Variants in CNTNAP5 observed in about 807,000 individuals in gnomAD.
CNTNAP5 encodes contactin-associated protein-like 5.
A neutral mutation model predicts 150.2 loss-of-function variants in CNTNAP5; 72 were observed. That is an observed-to-expected ratio of 0.48 (90% CI 0.40 to 0.58). The LOEUF is 0.58. Among genes scored for constraint, CNTNAP5 ranks in the 20% least tolerant of loss-of-function variants. CNTNAP5 has a pLI of 0.00. For missense variants in CNTNAP5, 1,636 were observed against 1,626.2 expected, an observed-to-expected ratio of 1.01 and a Z score of -0.10; for synonymous variants, 672 against 619.8, an observed-to-expected ratio of 1.08 and a Z score of -1.25.
At chr2:124,739,132 C>T (rs986420450) in intron 13 of CNTNAP5, among the ~76,000 whole-genome samples, 13 of 152,094 alleles carry the variant, frequency 8.5e-5, no homozygotes, top group African/African-American at 1.7e-4. Flanking sequence ...TACCATTAAT[C>T]TTTTCTGTTT....
At chr2:124,672,319 A>G (rs1678841596) in intron 13 of CNTNAP5, among the ~76,000 whole-genome samples, 1 of 152,156 alleles carries the variant, frequency 6.6e-6, no homozygotes, top group African/African-American at 2.4e-5. Context: ...TTGCATTCTG[A>G]GGCATTGGGT....
chr2:124,519,329 T>A (rs571196448), intron 8 of CNTNAP5, among the ~76,000 whole-genome samples: 9 of 152,326 alleles, frequency 5.9e-5, no homozygotes, highest in Admixed American at 2.6e-4. Context: ...TTAGATGACA[T>A]ATATGGTATG....
intron 9 of CNTNAP5, among the ~76,000 whole-genome samples, chr2:124,525,747 G>C (rs558121192): frequency 6.6e-6 from 1 of 152,296 alleles, no homozygotes; most frequent in East Asian, 1.9e-4. Flanking sequence ...TACACGTCCA[G>C]TCTCTGCAAA....
chr2:124,478,752 T>A (rs1246273040), intron 7 of CNTNAP5, among the ~76,000 whole-genome samples: 3 of 152,202 alleles, frequency 2.0e-5, no homozygotes, highest in African/African-American at 7.2e-5. Context: ...GATATTTTTG[T>A]CCTTTTCTAG....
chr2:124,619,842 C>CAT lies in CNTNAP5; in HGVS notation c.1876+9964_1876+9965dup, dbSNP rs58774096. 6.8e-3 allele frequency among the ~76,000 whole-genome samples: 671 copies of CAT among 98,280 alleles called. 14 individuals carry two copies. The highest frequency in any genetic ancestry group is 0.02 in the African/African-American group (340 of 16,792). 64.5% of individuals were successfully genotyped at this position (98,280 alleles called of 152,430 possible). On this transcript the variant is annotated intron_variant, in intron 12 of 23. Transcript: ENST00000682447. ...AATCTCCTTCTCTCACTGTCTCATT[C>CAT]ATATATATATATATATATATATATA...
chr2:124,147,438 A>G (rs932358001), intron 1 of CNTNAP5, among the ~76,000 whole-genome samples: 6 of 152,222 alleles, frequency 3.9e-5, no homozygotes, highest in Admixed American at 1.3e-4. Flanking sequence ...AGCCCACCTG[A>G]GTTCTGGCTA....
intron 12 of CNTNAP5, among the ~76,000 whole-genome samples, chr2:124,640,694 A>G (rs1678072406): frequency 1.3e-5 from 2 of 152,230 alleles, no homozygotes; most frequent in South Asian, 2.1e-4. Flanking sequence ...GGAAGGTGCA[A>G]TGTACCCCCT....
At chr2:124,094,315 T>C (rs965589482) in intron 1 of CNTNAP5, among the ~76,000 whole-genome samples, 1 of 152,208 alleles carries the variant, frequency 6.6e-6, no homozygotes, top group African/African-American at 2.4e-5. Context: ...TTTCCAAAAT[T>C]ATACGATTTG....
chr2:124,321,437 C>G (rs1021071775), intron 3 of CNTNAP5, among the ~76,000 whole-genome samples: 1 of 128,222 alleles, frequency 7.8e-6, no homozygotes, highest in Non-Finnish European at 1.6e-5. Flanking sequence ...GAGCGAAACT[C>G]TATCTCAAAA....
intron 13 of CNTNAP5, among the ~76,000 whole-genome samples, chr2:124,734,846 C>A (rs993484438): frequency 6.6e-6 from 1 of 152,040 alleles, no homozygotes; most frequent in African/African-American, 2.4e-5. Flanking sequence ...AAGAATTCCT[C>A]ATAAAAGAGA....
intron 1 of CNTNAP5, among the ~76,000 whole-genome samples, chr2:124,037,355 A>G (rs957544231): frequency 1.3e-5 from 2 of 152,232 alleles, no homozygotes; most frequent in Non-Finnish European, 2.9e-5. Context: ...AATTTGTTTC[A>G]TGGATTTTAT....
intron 1 of CNTNAP5, among the ~76,000 whole-genome samples, chr2:124,045,158 C>T (rs1681493461): frequency 6.6e-6 from 1 of 152,082 alleles, no homozygotes; most frequent in Non-Finnish European, 1.5e-5. Flanking sequence ...CAAGATGCCT[C>T]AGGGAAAAAG....
chr2:124,875,704 T>A (rs938217482), intron 21 of CNTNAP5, among the ~76,000 whole-genome samples: 1 of 151,564 alleles, frequency 6.6e-6, no homozygotes, highest in South Asian at 2.1e-4. Context: ...GAGGGTTTTT[T>A]TTTTTTTTTT....
chr2:124,210,931 C>T (rs1573838437), intron 1 of CNTNAP5, among the ~76,000 whole-genome samples: 1 of 152,080 alleles, frequency 6.6e-6, no homozygotes, highest in African/African-American at 2.4e-5. Flanking sequence ...CTGCCTCATC[C>T]CTTGAAAAGT....
intron 1 of CNTNAP5, among the ~76,000 whole-genome samples, chr2:124,103,008 A>G (rs1423718347): frequency 6.6e-6 from 1 of 152,182 alleles, no homozygotes; most frequent in Non-Finnish European, 1.5e-5. Context: ...CGAATGGACC[A>G]CATATACAAC....
At chr2:124,399,298 A>G (rs547835961) in intron 3 of CNTNAP5, among the ~76,000 whole-genome samples, 4 of 152,346 alleles carry the variant, frequency 2.6e-5, no homozygotes. Context: ...AAAGGCTGTC[A>G]GTGAGCTTAC....
chr2:124,132,271 A>G (rs1464130427), intron 1 of CNTNAP5, among the ~76,000 whole-genome samples: 1 of 152,174 alleles, frequency 6.6e-6, no homozygotes. Context: ...CATAGCGCTC[A>G]CTGGTGAATG....
intron 3 of CNTNAP5, among the ~76,000 whole-genome samples, chr2:124,243,832 A>G (rs1389279344): frequency 6.6e-6 from 1 of 152,148 alleles, no homozygotes; most frequent in African/African-American, 2.4e-5. Context: ...AAAGAAAAAA[A>G]ATTGTATTTT....
chr2:124,072,680 A>G (rs1030393475), intron 1 of CNTNAP5, among the ~76,000 whole-genome samples: 2 of 151,908 alleles, frequency 1.3e-5, no homozygotes, highest in Non-Finnish European at 2.9e-5. Flanking sequence ...AAATCTCTAC[A>G]ATGAATATTA....
Sources: gnomAD v4.1 joint callset for allele counts (sites outside exome capture counted in the v4.1 genomes callset) on GRCh38, gnomAD v4.1.1 for gene constraint, MANE v1.5 for transcripts, NCBI Gene and HGNC (gene_info 2026-07-23, HGNC 2026-07-21) for gene names.